FRAS1: variants seen among roughly 807,000 people sequenced by gnomAD.
FRAS1 encodes Fraser extracellular matrix complex subunit 1, also known as extracellular matrix organizing protein FRAS1.
Under a neutral mutation model 435.2 loss-of-function variants are expected in FRAS1, and 290 were observed. The ratio of observed to expected loss-of-function variants is 0.67; its 90% CI spans 0.61 to 0.73. The LOEUF (loss-of-function observed/expected upper bound fraction) is 0.73. FRAS1 is among the 30% of genes least tolerant of loss of function. The pLI is 0.00. For synonymous variants in FRAS1, 1,800 were observed against 1,851.0 expected (o/e 0.97, Z 0.71); for missense variants, 4,860 against 5,001.5 (o/e 0.97, Z 0.85).
At chr4:78,205,780 G>C (rs1723230045) in intron 2 of FRAS1, among the ~76,000 whole-genome samples, 1 of 152,134 alleles carries the variant, frequency 6.6e-6, no homozygotes, top group South Asian at 2.1e-4. Flanking sequence ...TGCTGCCTTT[G>C]CTGTGGCAGG....
At chr4:78,491,360 A>AGATT (rs1578355610) in intron 59 of FRAS1, among the ~76,000 whole-genome samples, 2 of 151,420 alleles carry the variant, frequency 1.3e-5, no homozygotes, top group Non-Finnish European at 3.0e-5. Flanking sequence ...ACAAAAAAAA[A>AGATT]TTCAGGCCAA....
chr4:78,255,290 G>C lies in FRAS1; in HGVS notation c.518G>C (p.Arg173Pro), dbSNP rs147332320. ...GHVFQDGEDWRLSRCAKCLCR... is the reference protein window; with the variant it reads ...GHVFQDGEDWPLSRCAKCLCR... ...GTGTTTCAGGATGGGGAGGACTGGCGGCTGAGCCGGTGTGCCAAATGTCTG... is the reference window on the plus strand; with the variant it reads ...GTGTTTCAGGATGGGGAGGACTGGCCGCTGAGCCGGTGTGCCAAATGTCTG... Residue 173 changes from arginine to proline, a missense_variant, in exon 6 of 74, where the codon CGG becomes CCG. By Grantham distance (103) the Arg-to-Pro change is moderately radical. Transcript: ENST00000512123. 3 of 1,556,846 alleles carry C rather than the reference G, an allele frequency of 1.9e-6. No homozygotes were observed. Among genetic ancestry groups the C allele is most frequent in the Non-Finnish European group, 2.6e-6 (3 of 1,149,598 alleles).
chr4:78,289,127 A>C (rs1207763000), intron 14 of FRAS1, among the ~76,000 whole-genome samples: 1 of 152,196 alleles, frequency 6.6e-6, no homozygotes, highest in Non-Finnish European at 1.5e-5. Context: ...GCAGAGTTGA[A>C]AAAAAGTAGC....
At chr4:78,442,989 A>AC (rs1346123559) in intron 41 of FRAS1, among the ~76,000 whole-genome samples, 1 of 152,078 alleles carries the variant, frequency 6.6e-6, no homozygotes, top group African/African-American at 2.4e-5. Context: ...TTAACTAAAG[A>AC]CCCCATCTCT....
intron 29 of FRAS1, among the ~76,000 whole-genome samples, chr4:78,394,160 G>A (rs1373412295): frequency 6.6e-6 from 1 of 151,756 alleles, no homozygotes; most frequent in East Asian, 1.9e-4. Flanking sequence ...CATTCCATAG[G>A]TTGCCTTTTC....
intron 2 of FRAS1, among the ~76,000 whole-genome samples, chr4:78,154,777 C>T (rs976923094): frequency 2.6e-5 from 4 of 152,090 alleles, no homozygotes; most frequent in African/African-American, 9.7e-5. Context: ...TAGTTAAAAA[C>T]AAACAAAGCA....
At chr4:78,415,947 A>G (rs1284755082) in intron 32 of FRAS1, among the ~76,000 whole-genome samples, 1 of 152,186 alleles carries the variant, frequency 6.6e-6, no homozygotes, top group Non-Finnish European at 1.5e-5. Context: ...CATGGTTAAG[A>G]GTTCAGGAGA....
chr4:78,533,310 A>C (rs1052407272), intron 70 of FRAS1, among the ~76,000 whole-genome samples: 1 of 152,208 alleles, frequency 6.6e-6, no homozygotes, highest in African/African-American at 2.4e-5. Context: ...CTACTGTATA[A>C]TATATGCTCA....
intron 29 of FRAS1, among the ~76,000 whole-genome samples, chr4:78,395,042 G>A (rs113652050): frequency 4.6e-5 from 7 of 151,742 alleles, no homozygotes; most frequent in South Asian, 2.1e-4. Flanking sequence ...ATTGCATGTC[G>A]GTTTTATTTT....
intron 61 of FRAS1, among the ~76,000 whole-genome samples, chr4:78,501,099 A>G (rs2867450): frequency 0.33 from 49,965 of 151,966 alleles, 8,952 homozygotes; most frequent in South Asian, 0.52. Flanking sequence ...TATTCCTCCC[A>G]GTGCTATCCC....
intron 2 of FRAS1, chr4:78,070,604 G>A (rs1437173641): frequency 6.6e-5 from 10 of 152,176 alleles, no homozygotes; most frequent in South Asian, 4.1e-4. Context: ...GGAACACAGC[G>A]TGACTGTTAA....
chr4:78,110,378 G>T (rs1742639313), intron 2 of FRAS1, among the ~76,000 whole-genome samples: 1 of 126,824 alleles, frequency 7.9e-6, no homozygotes, highest in Admixed American at 8.6e-5. Context: ...AACCAAAACA[G>T]CATGGTACTG....
intron 15 of FRAS1, among the ~76,000 whole-genome samples, chr4:78,312,869 G>A (rs1729085341): frequency 6.9e-6 from 1 of 145,584 alleles, no homozygotes; most frequent in African/African-American, 2.5e-5. Flanking sequence ...AAGAGAGAGA[G>A]AGAGAGAGAG....
At chr4:78,387,127 C>T (rs17003190) in intron 28 of FRAS1, among the ~76,000 whole-genome samples, 1 of 152,088 alleles carries the variant, frequency 6.6e-6, no homozygotes, top group South Asian at 2.1e-4. Flanking sequence ...CAGCTCTCAC[C>T]AGTTGTCTCT....
chr4:78,141,638 G>A (rs1560546697), intron 2 of FRAS1, among the ~76,000 whole-genome samples: 1 of 152,122 alleles, frequency 6.6e-6, no homozygotes, highest in South Asian at 2.1e-4. Flanking sequence ...GCTGATGGAG[G>A]ATCATAATGG....
intron 9 of FRAS1, among the ~76,000 whole-genome samples, chr4:78,269,464 A>G (rs909511349): frequency 7.9e-5 from 12 of 152,228 alleles, no homozygotes; most frequent in Admixed American, 5.9e-4. Flanking sequence ...CCAAGGATGG[A>G]TTAAGTGTAA....
chr4:78,469,926 ATACTTCAGG>A, intron 50 of FRAS1, 43 bp from the exon 51 acceptor site: 1 of 1,304,116 alleles, frequency 7.7e-7, no homozygotes, highest in Non-Finnish European at 1.1e-6. Flanking sequence ...TGGACCTGAC[ATACTTCAGG>A]TACTTGTGAA....
Position 78,171,175 on chromosome 4 carries a change from C to T in FRAS1, c.109-66335C>T, listed in dbSNP as rs182384330. Reference sequence around the variant, plus strand: ...TCTAACTTCAGCTGGACCTTCACTGCTGGTAAGCAATCTTTTGTTAATTAA... The same window carrying T: ...TCTAACTTCAGCTGGACCTTCACTGTTGGTAAGCAATCTTTTGTTAATTAA... On this transcript the variant is annotated intron_variant, in intron 2 of 73. Coordinates refer to ENST00000512123, the MANE Select transcript of FRAS1 (RefSeq NM_025074.7). Among the ~76,000 whole-genome samples, 745 of 152,104 alleles carry T rather than the reference C, an allele frequency of 4.9e-3. 5 individuals are homozygous for T. The highest frequency in any genetic ancestry group is 0.01 in the Middle Eastern group (3 of 292).
intron 19 of FRAS1, among the ~76,000 whole-genome samples, chr4:78,333,618 T>A (rs1187739446): frequency 4.6e-5 from 7 of 152,196 alleles, no homozygotes; most frequent in African/African-American, 1.7e-4. Context: ...AAATAAAACA[T>A]TAGAATCAGC....
Sources: allele counts gnomAD v4.1 joint callset (sites outside exome capture counted in the v4.1 genomes callset), GRCh38; gene constraint gnomAD v4.1.1; transcripts MANE v1.5; gene names NCBI Gene and HGNC (gene_info 2026-07-23, HGNC 2026-07-21).